The following DOCK10 variants were observed in gnomAD, a reference collection of about 807,000 sequenced individuals.
DOCK10 encodes dedicator of cytokinesis protein 10.
In DOCK10, 145 loss-of-function variants were observed where a neutral mutation model predicts 280.1. The observed-to-expected ratio is 0.52, with a 90% CI of 0.45 to 0.59. The LOEUF is 0.59. DOCK10 is among the 20% of genes least tolerant of loss of function. The pLI is 0.00. For missense variants in DOCK10, 2,368 were observed against 2,651.7 expected (o/e 0.89, Z 2.35); for synonymous variants, 915 against 942.2 (o/e 0.97, Z 0.53).
rs1398212571 is a variant in DOCK10, at chr2:224,959,264, AG to A, written c.124-27597del. On this transcript the variant is annotated intron_variant, in intron 1 of 55. Coordinates refer to ENST00000258390, the MANE Select transcript of DOCK10 (RefSeq NM_014689.3). ...CCTGTATTCAACATCTATCGCTGAT[AG>A]GTTGAGTGACCTCAGGCAAAAACAG... 7.3e-5 allele frequency among the ~76,000 whole-genome samples: 9 copies of A among 123,990 alleles called. No individual in the cohort carries two copies. The Middle Eastern group carries it at 0.023, about 310-fold the overall frequency. The allele number at this position is 123,990 out of a possible 152,430, so 81.3% of individuals were successfully genotyped here.
At chr2:224,942,358 C>T (rs1703141856) in intron 1 of DOCK10, among the ~76,000 whole-genome samples, 1 of 152,162 alleles carries the variant, frequency 6.6e-6, no homozygotes, top group Non-Finnish European at 1.5e-5. Context: ...AATTCACATC[C>T]CCCGGTTACT....
At chr2:224,830,957 G>C (rs1695190089) in intron 26 of DOCK10, among the ~76,000 whole-genome samples, 1 of 85,678 alleles carries the variant, frequency 1.2e-5, no homozygotes. Context: ...TATTTTTTGA[G>C]ACAGTCTCAC....
chr2:224,869,752 T>G (rs748281063), intron 11 of DOCK10, among the ~76,000 whole-genome samples: 7 of 152,216 alleles, frequency 4.6e-5, no homozygotes, highest in Non-Finnish European at 8.8e-5. Context: ...TGTGTTCTCT[T>G]GCCTGGGGAG....
chr2:224,777,552 C>T (rs1383683384), intron 51 of DOCK10, among the ~76,000 whole-genome samples: 4 of 152,174 alleles, frequency 2.6e-5, no homozygotes, highest in African/African-American at 4.8e-5. Context: ...TGGACTTACA[C>T]GAGTGATCTG....
chr2:224,993,486 T>A (rs1441557446), intron 1 of DOCK10, among the ~76,000 whole-genome samples: 1 of 152,134 alleles, frequency 6.6e-6, no homozygotes, highest in African/African-American at 2.4e-5. Context: ...GCTCACGAAG[T>A]GAGTCAACTG....
intron 2 of DOCK10, among the ~76,000 whole-genome samples, chr2:224,927,846 C>A (rs552697918): frequency 6.6e-6 from 1 of 151,198 alleles, no homozygotes. Context: ...TGCTTGGTAA[C>A]GTGGAAACAT....
rs765185416 is a variant in DOCK10 at position 224,774,971 on chromosome 2, A to C, written c.5947T>G (p.Phe1983Val). 1.2e-6 allele frequency: 2 copies of C among 1,612,522 alleles called. No individual in the cohort carries two copies. Among genetic ancestry groups the C allele is most frequent in the South Asian group, 2.2e-5 (2 of 90,722 alleles). The part of the protein sequence containing the change: ...NINRFVFETP[F>V]TLSGKKHGGV... ...CCGTGCTTCTTGCCCGACAGCGTGAAGGGTGTCTCGAAGACAAAGCGGTTG... is the reference window on the plus strand; with the variant it reads ...CCGTGCTTCTTGCCCGACAGCGTGACGGGTGTCTCGAAGACAAAGCGGTTG... Residue 1983 changes from phenylalanine (F) to valine (V), a missense_variant, in exon 52 of 56, where the codon TTC becomes GTC. Coordinates refer to ENST00000258390, the MANE Select transcript of DOCK10 (RefSeq NM_014689.3).
At chr2:224,951,721 G>C (rs1166646959) in intron 1 of DOCK10, among the ~76,000 whole-genome samples, 1 of 152,164 alleles carries the variant, frequency 6.6e-6, no homozygotes, top group Non-Finnish European at 1.5e-5. Context: ...TCTCTGCTTG[G>C]AGAACCACAA....
intron 19 of DOCK10, 87 bp from the exon 20 acceptor site, chr2:224,845,729 C>CT (rs796185255): frequency 0.063 from 63,617 of 1,003,476 alleles, 3 homozygotes; most frequent in East Asian, 0.072. Flanking sequence ...TTTAAACAAT[C>CT]TTTTTTTTTT....
intron 17 of DOCK10, 71 bp from the exon 18 acceptor site, chr2:224,852,513 A>C: frequency 1.7e-6 from 2 of 1,196,340 alleles, no homozygotes; most frequent in Non-Finnish European, 2.4e-6. Flanking sequence ...CAAGTGCCTA[A>C]AATAAGTAGC....
At chr2:224,836,601 AT>A (rs774289520) in intron 25 of DOCK10, among the ~76,000 whole-genome samples, 546 of 142,994 alleles carry the variant, frequency 3.8e-3, no homozygotes, top group Non-Finnish European at 4.9e-3. Flanking sequence ...GGAGTGTGGA[AT>A]TTTTTTTTTT....
At chr2:225,021,811 C>T (rs1015350952) in intron 1 of DOCK10, among the ~76,000 whole-genome samples, 2 of 152,132 alleles carry the variant, frequency 1.3e-5, no homozygotes, top group African/African-American at 4.8e-5. Flanking sequence ...TAAGAAAATG[C>T]CTAGAGGTAA....
chr2:224,982,087 A>C (rs1705778286), intron 1 of DOCK10: 3 of 662,384 alleles, frequency 4.5e-6, no homozygotes, highest in Non-Finnish European at 6.4e-6. Flanking sequence ...AGTACTTCAG[A>C]GTAGTAAACT....
intron 24 of DOCK10, among the ~76,000 whole-genome samples, chr2:224,838,597 T>A (rs1020719344): frequency 2.0e-5 from 3 of 152,180 alleles, no homozygotes; most frequent in African/African-American, 7.2e-5. Context: ...ATATTTAAAT[T>A]GTCCAGAATT....
intron 1 of DOCK10, among the ~76,000 whole-genome samples, chr2:225,023,356 C>A (rs1181184872): frequency 6.6e-6 from 1 of 152,116 alleles, no homozygotes; most frequent in African/African-American, 2.4e-5. Flanking sequence ...TCTAATAACT[C>A]TCTCATTCAT....
At chr2:224,771,694 A>C (rs6712617) in intron 53 of DOCK10, among the ~76,000 whole-genome samples, 106,733 of 152,130 alleles carry the variant, frequency 0.7, 38,384 homozygotes, top group Middle Eastern at 0.83. Flanking sequence ...CCAGTGTGGC[A>C]GATGCAGTCA....
Position 224,864,886 on chromosome 2 carries a change from A to G in DOCK10, c.1459T>C (p.Trp487Arg), listed in dbSNP as rs1171208571. The change falls in exon 12 of 56, where the codon TGG becomes CGG. Residue 487 changes from tryptophan to arginine, a missense_variant. By Grantham distance (101) the Trp-to-Arg change is moderately radical. Coordinates refer to ENST00000258390, the MANE Select transcript of DOCK10 (RefSeq NM_014689.3). ...EPHIKGLPEE[W>R]LKFPKQAVFS... ...GCCACCTGCTTTGGAAATTTTAGCC[A>G]TTCCTCTGGAAGTCCCTTGATGTGA... The G allele has an allele frequency of 1.4e-5, 22 of 1,613,860 alleles. No individual in the cohort carries two copies. Among genetic ancestry groups the G allele is most frequent in the Non-Finnish European group, 1.7e-5 (20 of 1,179,890 alleles).
Position 225,026,305 on chromosome 2 carries a change from A to G in DOCK10, c.123+15947T>C, listed in dbSNP as rs142625173. Among the ~76,000 whole-genome samples the G allele has an allele frequency of 3.7e-3, 557 of 152,316 alleles. 6 individuals carry two copies. The highest frequency in any genetic ancestry group is 0.013 in the African/African-American group (527 of 41,566). Reference sequence around the variant, plus strand: ...ATTAGCAGCATTCTGGCAGGGCTATATCATGATCAAAGCTGTGTGTTCACA... The same window carrying G: ...ATTAGCAGCATTCTGGCAGGGCTATGTCATGATCAAAGCTGTGTGTTCACA... On this transcript the variant is annotated intron_variant, in intron 1 of 55. Transcript: ENST00000258390.
Position 224,778,009 on chromosome 2 carries a change from G to A in DOCK10, c.5802+129C>T, listed in dbSNP as rs189929260. Reference sequence around the variant, plus strand: ...AAATTACCAACCAACAGGCAAACAAGCAAAACATCTAAAATCGTTTTTGTA... The same window carrying A: ...AAATTACCAACCAACAGGCAAACAAACAAAACATCTAAAATCGTTTTTGTA... On this transcript the variant is annotated intron_variant, in intron 51 of 55. Coordinates refer to ENST00000258390, the MANE Select transcript of DOCK10 (RefSeq NM_014689.3). The A allele has an allele frequency of 1.7e-4, 159 of 938,538 alleles. No homozygotes were observed. In the Admixed American group the frequency reaches 2.6e-3, roughly 15 times the overall value. 58.1% of individuals were successfully genotyped at this position (938,538 alleles called of 1,614,324 possible).
Sources: allele counts gnomAD v4.1 joint callset (sites outside exome capture counted in the v4.1 genomes callset), GRCh38; gene constraint gnomAD v4.1.1; transcripts MANE v1.5; gene names NCBI Gene and HGNC (gene_info 2026-07-23, HGNC 2026-07-21).